KHDRBS2: variants seen among roughly 807,000 people sequenced by gnomAD.
KHDRBS2 encodes the protein KH RNA binding domain containing, signal transduction associated 2.
In KHDRBS2, 26 loss-of-function variants were observed where a neutral mutation model predicts 44.3. That is an observed-to-expected ratio of 0.59 (90% CI 0.43 to 0.81). The LOEUF (loss-of-function observed/expected upper bound fraction) is 0.81, where lower values mean the gene tolerates loss of function less well. Among genes scored for constraint, KHDRBS2 ranks in the 40% least tolerant of loss-of-function variants. The pLI, the probability that KHDRBS2 is intolerant of heterozygous loss-of-function variation, is 0.00. For missense variants in KHDRBS2, 476 were observed against 433.1 expected (o/e 1.10, Z -0.88); for synonymous variants, 194 against 151.1 (o/e 1.28, Z -2.08).
At chr6:62,050,210 G>A (rs559290477) in intron 2 of KHDRBS2, among the ~76,000 whole-genome samples, 1 of 152,070 alleles carries the variant, frequency 6.6e-6, no homozygotes, top group Admixed American at 6.6e-5. Context: ...ACCAAATACT[G>A]CATGTTCTCA....
chr6:62,039,272 A>ACACT (rs1785963491), intron 3 of KHDRBS2, among the ~76,000 whole-genome samples: 1 of 151,278 alleles, frequency 6.6e-6, no homozygotes, highest in Non-Finnish European at 1.5e-5. Context: ...ACACACACAC[A>ACACT]CACACACACA....
intron 1 of KHDRBS2, among the ~76,000 whole-genome samples, chr6:62,236,424 G>C (rs1448767421): frequency 1.3e-5 from 2 of 151,802 alleles, no homozygotes; most frequent in African/African-American, 4.8e-5. Flanking sequence ...GAGAATTAGA[G>C]GGTTTTAGGT....
intron 1 of KHDRBS2, among the ~76,000 whole-genome samples, chr6:62,197,482 T>C (rs1361112556): frequency 6.6e-6 from 1 of 152,152 alleles, no homozygotes; most frequent in African/African-American, 2.4e-5. Context: ...GGATAATGGG[T>C]CTTGAAGGAG....
At chr6:61,769,022 C>T (rs1780424865) in intron 6 of KHDRBS2, among the ~76,000 whole-genome samples, 1 of 152,048 alleles carries the variant, frequency 6.6e-6, no homozygotes, top group African/African-American at 2.4e-5. Context: ...AGCCTTTATT[C>T]AATGTCTTTA....
chr6:61,980,393 C>T (rs922516289), intron 3 of KHDRBS2, among the ~76,000 whole-genome samples: 3 of 152,094 alleles, frequency 2.0e-5, no homozygotes, highest in Admixed American at 1.3e-4. Flanking sequence ...CACACCATCA[C>T]CACCACCACC....
At chr6:62,068,754 T>G (rs1299219321) in intron 2 of KHDRBS2, among the ~76,000 whole-genome samples, 1 of 151,634 alleles carries the variant, frequency 6.6e-6, no homozygotes, top group African/African-American at 2.4e-5. Context: ...GAAAACACTA[T>G]TCTTTACCTA....
At chr6:62,081,325 T>C (rs545790267) in intron 2 of KHDRBS2, among the ~76,000 whole-genome samples, 24 of 152,240 alleles carry the variant, frequency 1.6e-4, no homozygotes, top group African/African-American at 5.3e-4. Flanking sequence ...TGGAGGGTCT[T>C]GGAAAGACTT....
At chr6:61,694,377 A>C (rs1405344169) in intron 8 of KHDRBS2, among the ~76,000 whole-genome samples, 1 of 152,190 alleles carries the variant, frequency 6.6e-6, no homozygotes, top group African/African-American at 2.4e-5. Flanking sequence ...CTCAACACCA[A>C]ATAGCAGAAA....
intron 6 of KHDRBS2, among the ~76,000 whole-genome samples, chr6:61,884,796 A>G (rs966380783): frequency 6.6e-6 from 1 of 151,974 alleles, no homozygotes; most frequent in African/African-American, 2.4e-5. Context: ...ACCAGCAAGA[A>G]ACTAAGGTTA....
chr6:61,605,560 T>C, the KHDRBS2 span, among the ~76,000 whole-genome samples: 1 of 152,176 alleles, frequency 6.6e-6, no homozygotes, highest in Non-Finnish European at 1.5e-5. Context: ...TTTTAATTCA[T>C]ATAAAACCAT....
chr6:61,766,565 A>C (rs1780038728), intron 6 of KHDRBS2, among the ~76,000 whole-genome samples: 1 of 151,690 alleles, frequency 6.6e-6, no homozygotes, highest in South Asian at 2.1e-4. Context: ...TGCTTATTTG[A>C]AGTTTTTCTA....
chr6:61,654,607 A>G, the KHDRBS2 span, among the ~76,000 whole-genome samples: 1 of 151,254 alleles, frequency 6.6e-6, no homozygotes, highest in Admixed American at 6.6e-5. Flanking sequence ...TTACAGCAAG[A>G]AATGGGTAAT....
In KHDRBS2 at chr6:61,848,481, ATATATATATG is replaced by A. The variant is rs1309192666; in HGVS notation, c.810+46144_810+46153del. 1.2e-3 allele frequency among the ~76,000 whole-genome samples: 63 copies of A among 52,132 alleles called. 3 individuals are homozygous for A. The highest frequency in any genetic ancestry group is 9.6e-3 in the Middle Eastern group (1 of 104). The allele number at this position is 52,132 out of a possible 152,430, so 34.2% of individuals were successfully genotyped here. A position where few individuals can be genotyped will look rare whatever the true frequency, so the allele number is the denominator to read the frequency against. On this transcript the variant is annotated intron_variant, in intron 6 of 8. Coordinates refer to ENST00000281156, the MANE Select transcript of KHDRBS2 (RefSeq NM_152688.4). The stretch of plus-strand genomic sequence containing the variant: ...AGAAATGGAGGTTTTATATATATAT[ATATATATATG>A]TATATATATATATATATATGTATAT...
intron 6 of KHDRBS2, among the ~76,000 whole-genome samples, chr6:61,799,040 T>C (rs185357611): frequency 6.6e-6 from 1 of 152,128 alleles, no homozygotes; most frequent in East Asian, 1.9e-4. Context: ...AGTCTGGACT[T>C]GAAGCATCTT....
In KHDRBS2 at chr6:62,285,908, T is replaced by A; in HGVS notation, c.41A>T (p.Lys14Ile). 6.2e-7 allele frequency: 1 copy of A among 1,613,536 alleles called. No individual in the cohort carries two copies. Among genetic ancestry groups the A allele is most frequent in the South Asian group, 1.1e-5 (1 of 90,994 alleles). Residue 14 changes from lysine (K) to isoleucine (I), a missense_variant, in exon 1 of 9, where the codon AAA becomes ATA. Lys to Ile is a moderately radical substitution (Grantham distance 102, BLOSUM62 -3). Transcript: ENST00000281156. ...EKYLPELMAE[K>I]DSLDPSFVHA... ...CACAAAAGATGGATCCAGGCTATCT[T>A]TCTCTGCCATCAGCTCAGGCAAATA... is the stretch of plus-strand genomic sequence containing the variant.
At chr6:61,865,351 G>A (rs1461413105) in intron 6 of KHDRBS2, among the ~76,000 whole-genome samples, 2 of 152,158 alleles carry the variant, frequency 1.3e-5, no homozygotes, top group Admixed American at 6.5e-5. Flanking sequence ...AGTTCCATGT[G>A]GCTGGGGAGG....
intron 4 of KHDRBS2, among the ~76,000 whole-genome samples, chr6:61,959,723 T>G (rs1345266041): frequency 1.3e-5 from 2 of 152,162 alleles, no homozygotes; most frequent in Non-Finnish European, 2.9e-5. Context: ...ATGGGTTAGG[T>G]AGAATGCAAT....
At chr6:61,833,235 T>C (rs571438479) in intron 6 of KHDRBS2, among the ~76,000 whole-genome samples, 2 of 152,324 alleles carry the variant, frequency 1.3e-5, no homozygotes, top group Admixed American at 6.5e-5. Flanking sequence ...GTATGAATGA[T>C]GTCTATAGCA....
chr6:61,959,978 C>A (rs1274505853), intron 4 of KHDRBS2, among the ~76,000 whole-genome samples: 3 of 152,098 alleles, frequency 2.0e-5, no homozygotes, highest in Non-Finnish European at 4.4e-5. Context: ...AATTAAGAAT[C>A]TTCTGTTTCA....
Sources: allele counts gnomAD v4.1 joint callset (sites outside exome capture counted in the v4.1 genomes callset), GRCh38; gene constraint gnomAD v4.1.1; transcripts MANE v1.5; gene names NCBI Gene and HGNC (gene_info 2026-07-23, HGNC 2026-07-21).